CNTN6: variants seen among roughly 807,000 people sequenced by gnomAD.
The protein encoded by CNTN6 is contactin-6.
Under a neutral mutation model 122.8 loss-of-function variants are expected in CNTN6, and 137 were observed. The observed-to-expected ratio is 1.12, with a 90% CI of 0.97 to 1.29. CNTN6 has a LOEUF of 1.29. Ranked by LOEUF, CNTN6 falls within the 50% of genes most tolerant of loss-of-function variation. CNTN6 has a pLI of 0.00. For missense variants in CNTN6, 1,634 were observed against 1,223.4 expected (o/e 1.34, Z -5.01); for synonymous variants, 570 against 426.0 (o/e 1.34, Z -4.16).
intron 1 of CNTN6, among the ~76,000 whole-genome samples, chr3:1,142,387 C>T (rs777572966): frequency 2.6e-5 from 4 of 152,014 alleles, no homozygotes; most frequent in Admixed American, 6.6e-5. Context: ...GAGAAGAGGT[C>T]GTATAAAGGC....
At chr3:1,363,928 G>C (rs1707836957) in intron 12 of CNTN6, among the ~76,000 whole-genome samples, 1 of 151,800 alleles carries the variant, frequency 6.6e-6, no homozygotes, top group Non-Finnish European at 1.5e-5. Flanking sequence ...GTCATCTCTT[G>C]TCTTTTTGAC....
Position 1,327,586 on chromosome 3 carries a change from G to A in CNTN6, c.1213G>A (p.Ala405Thr). The change falls in exon 10 of 23, where the codon GCC becomes ACC. Residue 405 changes from alanine to threonine, a missense_variant and splice_region_variant. Coordinates refer to ENST00000446702, the MANE Select transcript of CNTN6 (RefSeq NM_001289080.2). ...IYANAELRVL[A>T]SAPDFSKSPV... Reference sequence around the variant, plus strand: ...TGCAAATGCTGAATTGAGAGTTTTAGGTAAGTCGTTTATTTACAACCAACA... The same window carrying A: ...TGCAAATGCTGAATTGAGAGTTTTAAGTAAGTCGTTTATTTACAACCAACA... 6.2e-7 allele frequency: 1 copy of A among 1,608,790 alleles called. No homozygotes were observed. The highest frequency in any genetic ancestry group is 1.1e-5 in the South Asian group (1 of 90,838).
chr3:1,207,084 A>AT (rs1338995977), intron 2 of CNTN6, among the ~76,000 whole-genome samples: 1 of 152,138 alleles, frequency 6.6e-6, no homozygotes, highest in Non-Finnish European at 1.5e-5. Context: ...AGATTCATCT[A>AT]TTGGATGCCA....
chr3:1,367,166 T>A (rs1708347665), intron 12 of CNTN6, among the ~76,000 whole-genome samples: 1 of 152,166 alleles, frequency 6.6e-6, no homozygotes, highest in Non-Finnish European at 1.5e-5. Flanking sequence ...TTTTTTGTGA[T>A]GAGAATTAAA....
intron 16 of CNTN6, among the ~76,000 whole-genome samples, chr3:1,375,570 T>C (rs1470926567): frequency 6.6e-6 from 1 of 152,146 alleles, no homozygotes; most frequent in Non-Finnish European, 1.5e-5. Flanking sequence ...CAAAATACTT[T>C]TCCTTACACA....
At chr3:1,402,268 C>G (rs115626482) in intron 21 of CNTN6, 50 bp from the exon 22 acceptor site, 51 of 1,498,568 alleles carry the variant, frequency 3.4e-5, no homozygotes, top group Non-Finnish European at 4.7e-5. Flanking sequence ...GTTGTGTGAA[C>G]CTTAGAAAAG....
At chr3:1,352,118 C>A (rs1203740378) in intron 11 of CNTN6, among the ~76,000 whole-genome samples, 1 of 151,776 alleles carries the variant, frequency 6.6e-6, no homozygotes, top group African/African-American at 2.4e-5. Context: ...TTATCAATAT[C>A]GTGTCAGAAT....
At chr3:1,126,487 T>A (rs7632373) in intron 1 of CNTN6, among the ~76,000 whole-genome samples, 66,885 of 151,440 alleles carry the variant, frequency 0.44, 14,934 homozygotes, top group East Asian at 0.48. Flanking sequence ...CAGGTCACTG[T>A]CTTATTATCA....
chr3:1,349,535 GTCTC>G (rs1275309257), intron 11 of CNTN6, among the ~76,000 whole-genome samples: 2 of 151,630 alleles, frequency 1.3e-5, no homozygotes, highest in Non-Finnish European at 3.0e-5. Flanking sequence ...AAAAAAATCA[GTCTC>G]TCTCTATGAA....
At chr3:1,234,483 G>C (rs2094396807) in intron 4 of CNTN6, among the ~76,000 whole-genome samples, 1 of 151,958 alleles carries the variant, frequency 6.6e-6, no homozygotes, top group South Asian at 2.1e-4. Flanking sequence ...AAATATAAAA[G>C]CAGTTATATG....
chr3:1,385,813 C>G lies in CNTN6; in HGVS notation c.2704+16C>G. On this transcript the variant is annotated intron_variant, in intron 20 of 22. Transcript: ENST00000446702. ...AAAAAGTCTCGTAAGTATGCATACA[C>G]TCCAGGAAACAAGATTCATCTGTGA... 2.5e-6 allele frequency: 4 copies of G among 1,580,626 alleles called. No homozygotes were observed. Among genetic ancestry groups the G allele is most frequent in the Non-Finnish European group, 3.4e-6 (4 of 1,165,254 alleles).
At chr3:1,342,178 T>C (rs1263591236) in intron 11 of CNTN6, among the ~76,000 whole-genome samples, 1 of 152,116 alleles carries the variant, frequency 6.6e-6, no homozygotes, top group African/African-American at 2.4e-5. Context: ...CACCCAGGCT[T>C]GAGTGTAGTG....
intron 1 of CNTN6, among the ~76,000 whole-genome samples, chr3:1,118,332 G>C (rs577412295): frequency 3.6e-4 from 55 of 152,160 alleles, no homozygotes; most frequent in Non-Finnish European, 6.5e-4. Flanking sequence ...TTTCTAACCT[G>C]TATATGACCT....
At chr3:1,215,037 G>A (rs1218576659) in intron 2 of CNTN6, among the ~76,000 whole-genome samples, 1 of 152,192 alleles carries the variant, frequency 6.6e-6, no homozygotes, top group South Asian at 2.1e-4. Flanking sequence ...GGGATTACAG[G>A]CATGAGCCCC....
In CNTN6 at chr3:1,321,844, T is replaced by C. The variant is rs1421553096; in HGVS notation, c.946+10T>C. ...CAACTCATTTTTTATGGTGAGCTAA[T>C]TGGATTTCAAATATATATAAAATAT... On this transcript the variant is annotated intron_variant, in intron 8 of 22. Transcript: ENST00000446702. 6.3e-7 allele frequency: 1 copy of C among 1,591,180 alleles called. No homozygotes were observed. The highest frequency in any genetic ancestry group is 1.8e-5 in the Admixed American group (1 of 55,730).
chr3:1,103,245 A>G (rs1193126726), intron 1 of CNTN6, among the ~76,000 whole-genome samples: 1 of 152,366 alleles, frequency 6.6e-6, no homozygotes, highest in Admixed American at 6.5e-5. Flanking sequence ...GTCGTTAGTC[A>G]ATTCCTAAAC....
intron 8 of CNTN6, among the ~76,000 whole-genome samples, chr3:1,324,368 C>T (rs1206842943): frequency 6.7e-6 from 1 of 149,748 alleles, no homozygotes; most frequent in Non-Finnish European, 1.5e-5. Context: ...CTGCTTCTTA[C>T]TTCAGCCACT....
At chr3:1,269,395 C>T (rs1482752265) in intron 4 of CNTN6, among the ~76,000 whole-genome samples, 1 of 152,168 alleles carries the variant, frequency 6.6e-6, no homozygotes, top group African/African-American at 2.4e-5. Flanking sequence ...TCAGGAACAC[C>T]AAAGGCCAGT....
chr3:1,115,219 T>A (rs2091665518), intron 1 of CNTN6, among the ~76,000 whole-genome samples: 1 of 151,992 alleles, frequency 6.6e-6, no homozygotes, highest in East Asian at 1.9e-4. Context: ...AAAACCAGAG[T>A]TAGCCTTGAT....
Sources: gnomAD v4.1 joint callset for allele counts (sites outside exome capture counted in the v4.1 genomes callset) on GRCh38, gnomAD v4.1.1 for gene constraint, MANE v1.5 for transcripts, NCBI Gene and HGNC (gene_info 2026-07-23, HGNC 2026-07-21) for gene names.